The following PSMF1 variants were observed in gnomAD, a reference collection of about 807,000 sequenced individuals.
PSMF1 encodes the protein proteasome inhibitor PI31 subunit.
In PSMF1, 30 loss-of-function variants were observed where a neutral mutation model predicts 29.3. The ratio of observed to expected loss-of-function variants is 1.02; its 90% confidence interval spans 0.77 to 1.39. The LOEUF (loss-of-function observed/expected upper bound fraction) is 1.39. Ranked by LOEUF, PSMF1 falls within the 40% of genes most tolerant of loss-of-function variation. PSMF1 has a pLI of 0.00. For missense variants in PSMF1, 344 were observed against 357.5 expected (o/e 0.96, Z 0.31); for synonymous variants, 134 against 139.7 (o/e 0.96, Z 0.29).
chr20:1,166,580 G>T lies in PSMF1; in HGVS notation c.*1500G>T. 1 of 333,734 alleles carries T rather than the reference G, an allele frequency of 3.0e-6. No individual in the cohort carries two copies. The allele number at this position is 333,734 out of a possible 1,614,324, so 20.7% of individuals were successfully genotyped here. A position where few individuals can be genotyped will look rare whatever the true frequency, so the allele number is the denominator to read the frequency against. ...CTCAGATGGAAGCTGGGCCTGGGTGGGGAGGCTAGCATGCGTGGCTCCCTG... is the reference window on the plus strand; with the variant it reads ...CTCAGATGGAAGCTGGGCCTGGGTGTGGAGGCTAGCATGCGTGGCTCCCTG... On this transcript the variant is annotated 3_prime_UTR_variant, in exon 7 of 7. Coordinates refer to ENST00000335877, the MANE Select transcript of PSMF1 (RefSeq NM_006814.5).
intron 1 of PSMF1, among the ~76,000 whole-genome samples, chr20:1,121,026 A>G (rs2086080144): frequency 1.3e-5 from 2 of 152,218 alleles, no homozygotes; most frequent in Non-Finnish European, 1.5e-5. Flanking sequence ...ATGAGTTCAC[A>G]TAAGTCGATA....
chr20:1,164,305 C>G lies in PSMF1; in HGVS notation c.606-13C>G. On this transcript the variant is annotated splice_polypyrimidine_tract_variant and intron_variant, in intron 5 of 6. Transcript: ENST00000335877. This position sits in a 1 kb window ranked among gnomAD's most constrained non-coding sequence, Gnocchi z 4.1. ...TGCCACACCTGCTTACCTAACTTTTCTTCTTGCCTCAGGCCTCGGAGAGGT... is the reference window on the plus strand; with the variant it reads ...TGCCACACCTGCTTACCTAACTTTTGTTCTTGCCTCAGGCCTCGGAGAGGT... The G allele has an allele frequency of 1.2e-6, 2 of 1,611,402 alleles. No individual in the cohort carries two copies. The highest frequency in any genetic ancestry group is 1.7e-6 in the Non-Finnish European group (2 of 1,177,518).
chr20:1,142,323 G>T (rs1462895554), intron 4 of PSMF1, among the ~76,000 whole-genome samples: 1 of 152,130 alleles, frequency 6.6e-6, no homozygotes, highest in Non-Finnish European at 1.5e-5. Flanking sequence ...ACAACGTGCA[G>T]GTTAGTTACA....
chr20:1,144,020 G>A (rs1034062018), intron 4 of PSMF1, among the ~76,000 whole-genome samples: 10 of 152,098 alleles, frequency 6.6e-5, no homozygotes, highest in African/African-American at 1.2e-4. Context: ...CCCGGGAGGC[G>A]GAGGTTGCAG....
chr20:1,117,202 G>C (rs1212897677), upstream of PSMF1, among the ~76,000 whole-genome samples: 1 of 152,234 alleles, frequency 6.6e-6, no homozygotes, highest in Non-Finnish European at 1.5e-5. Flanking sequence ...GACTGAATCA[G>C]AGAGGTACAG....
Position 1,131,118 on chromosome 20 carries a change from C to T in PSMF1, c.365+3610C>T, listed in dbSNP as rs114607598. 5.7e-3 allele frequency among the ~76,000 whole-genome samples: 865 copies of T among 152,296 alleles called. 6 individuals carry two copies. Among genetic ancestry groups the T allele is most frequent in the African/African-American group, 0.02 (824 of 41,564 alleles). Reference sequence around the variant, plus strand: ...GTTGCACACTCCCTGACACCCTGGCCCCTCTTAGTGGGTAAGGGAGGGACA... The same window carrying T: ...GTTGCACACTCCCTGACACCCTGGCTCCTCTTAGTGGGTAAGGGAGGGACA... On this transcript the variant is annotated intron_variant, in intron 3 of 6. Transcript: ENST00000335877.
chr20:1,134,485 A>T (rs2086276602), intron 3 of PSMF1, among the ~76,000 whole-genome samples: 2 of 152,040 alleles, frequency 1.3e-5, no homozygotes, highest in Admixed American at 6.6e-5. Context: ...ATGGGCCAGG[A>T]TGTGGTTCAT....
chr20:1,131,241 A>G (rs1273107563), intron 3 of PSMF1, among the ~76,000 whole-genome samples: 3 of 152,260 alleles, frequency 2.0e-5, no homozygotes, highest in Non-Finnish European at 4.4e-5. Context: ...CTGGCCATTC[A>G]TGCTCATTAG....
Position 1,166,261 on chromosome 20 carries a change from CT to C in PSMF1, c.*1182del. 1.2e-6 allele frequency: 2 copies of C among 1,612,218 alleles called. No individual in the cohort carries two copies. ...TGACAGACGCGGGCAGTGATGAGCC[CT>C]GTTCTGGAGTGGAAAGAGCACGATA... On this transcript the variant is annotated 3_prime_UTR_variant, in exon 7 of 7. Coordinates refer to ENST00000335877, the MANE Select transcript of PSMF1 (RefSeq NM_006814.5).
rs907438973 is a variant in PSMF1 at position 1,165,983 on chromosome 20, T to C, written c.*903T>C. On this transcript the variant is annotated 3_prime_UTR_variant, in exon 7 of 7. Transcript: ENST00000335877. ...TGCTCTAAAGCATTTTGATGTCTCA[T>C]TCTGTGTTTGGTAACCCCTATAAAC... is the stretch of plus-strand genomic sequence containing the variant. 5.7e-6 allele frequency: 8 copies of C among 1,404,270 alleles called. No individual in the cohort carries two copies. In the African/African-American group the frequency reaches 8.7e-5, roughly 15 times the overall value. The allele number at this position is 1,404,270 out of a possible 1,614,324, so 87.0% of individuals were successfully genotyped here.
intron 4 of PSMF1, among the ~76,000 whole-genome samples, chr20:1,143,123 C>A (rs1051390675): frequency 6.6e-6 from 1 of 152,116 alleles, no homozygotes; most frequent in Non-Finnish European, 1.5e-5. Flanking sequence ...AAAATCCCAA[C>A]AAGAATTTCT....
In PSMF1 at chr20:1,146,916, A is replaced by G. The variant is rs1320907387; in HGVS notation, c.551+11610A>G. The stretch of plus-strand genomic sequence containing the variant: ...GTCACTGGAAAAAAATATTCAGTGG[A>G]TGCCCATTCAGGTAGCTGGCAAAGA... On this transcript the variant is annotated intron_variant, in intron 4 of 6. Transcript: ENST00000335877. 4.6e-5 allele frequency among the ~76,000 whole-genome samples: 7 copies of G among 152,342 alleles called. No individual in the cohort carries two copies. In the East Asian group the frequency reaches 7.7e-4, roughly 17 times the overall value.
intron 1 of PSMF1, among the ~76,000 whole-genome samples, chr20:1,124,612 GCAAAA>G (rs2122461616): frequency 6.6e-6 from 1 of 152,250 alleles, no homozygotes; most frequent in Admixed American, 6.5e-5. Context: ...GTTTATAATA[GCAAAA>G]CAAATAAGCT....
At chr20:1,140,833 C>T (rs1200831757) in intron 4 of PSMF1, among the ~76,000 whole-genome samples, 1 of 152,130 alleles carries the variant, frequency 6.6e-6, no homozygotes, top group Admixed American at 6.5e-5. Flanking sequence ...TACAGATAGT[C>T]CATGAGCACA....
At chr20:1,135,003 C>A in intron 3 of PSMF1, 118 bp from the exon 4 acceptor site, 1 of 994,854 alleles carries the variant, frequency 1.0e-6, no homozygotes, top group Non-Finnish European at 1.6e-6. Flanking sequence ...TATAAACAGG[C>A]CAAGCGCAAT....
chr20:1,134,978 G>T (rs1203037321), intron 3 of PSMF1, 143 bp from the exon 4 acceptor site: 4 of 803,338 alleles, frequency 5.0e-6, no homozygotes. Context: ...CCAGCAGGCG[G>T]CCTGTTCCCC....
intron 4 of PSMF1, among the ~76,000 whole-genome samples, chr20:1,145,125 A>T (rs1600159868): frequency 6.6e-6 from 1 of 152,198 alleles, no homozygotes; most frequent in Admixed American, 6.5e-5. Flanking sequence ...CCCTCAAGTG[A>T]TCTGCCCACC....
rs989943804 is a variant in PSMF1, at chr20:1,169,516, A to G, written c.*4436A>G. Among the ~76,000 whole-genome samples, 1 of 152,174 alleles carries G rather than the reference A, an allele frequency of 6.6e-6. No homozygotes were observed. Among genetic ancestry groups the G allele is most frequent in the Non-Finnish European group, 1.5e-5 (1 of 68,032 alleles). On this transcript the variant is annotated 3_prime_UTR_variant, in exon 7 of 7. Transcript: ENST00000335877. ...AGAGTCACAGTGGGTTTAGAGGGAC[A>G]AGGTAGTGAGAGGATGCTGCTGACG...
rs1178146828 is a variant in PSMF1 at position 1,172,018 on chromosome 20, A to G, written c.*6938A>G. On this transcript the variant is annotated 3_prime_UTR_variant, in exon 7 of 7. Transcript: ENST00000335877. ...ATCTGTAAAATGTAGATAAGGATGGACCCACCTCCCCAAGATCCTGCCTAT... is the reference window on the plus strand; with the variant it reads ...ATCTGTAAAATGTAGATAAGGATGGGCCCACCTCCCCAAGATCCTGCCTAT... 1.3e-5 allele frequency among the ~76,000 whole-genome samples: 2 copies of G among 152,146 alleles called. No homozygotes were observed. Among genetic ancestry groups the G allele is most frequent in the African/African-American group, 4.8e-5 (2 of 41,428 alleles).
Sources: allele counts gnomAD v4.1 joint callset (sites outside exome capture counted in the v4.1 genomes callset), GRCh38; gene constraint gnomAD v4.1.1; non-coding constraint Gnocchi (gnomAD v3.1); transcripts MANE v1.5; gene names NCBI Gene and HGNC (gene_info 2026-07-23, HGNC 2026-07-21).